The following INTS9 variants were observed in gnomAD, a reference collection of about 807,000 sequenced individuals.
INTS9 encodes the protein protein related to CPSF subunits of 74 kDa.
INTS9 carries 55 observed loss-of-function variants against 79.7 expected under a neutral mutation model. That is an observed-to-expected ratio of 0.69 (90% CI 0.56 to 0.86). INTS9 has a LOEUF of 0.86. Among genes scored for constraint, INTS9 ranks in the 40% least tolerant of loss-of-function variants. The probability of loss-of-function intolerance (pLI) is 0.00; values close to 1 mark genes in which losing one functional copy is unlikely to be tolerated. For missense variants in INTS9, 721 were observed against 831.5 expected, an observed-to-expected ratio of 0.87 and a Z score of 1.64; for synonymous variants, 319 against 325.2, an observed-to-expected ratio of 0.98 and a Z score of 0.20.
At chr8:28,776,621 A>T (rs1802905521) in intron 13 of INTS9, among the ~76,000 whole-genome samples, 2 of 151,964 alleles carry the variant, frequency 1.3e-5, no homozygotes, top group South Asian at 4.1e-4. Context: ...CCTGCTGAAG[A>T]CGGCTTTCCA....
At chr8:28,858,112 T>A (rs937177688) in intron 2 of INTS9, among the ~76,000 whole-genome samples, 3 of 152,184 alleles carry the variant, frequency 2.0e-5, no homozygotes, top group Non-Finnish European at 4.4e-5. Flanking sequence ...TCTGCCCTCG[T>A]CCAGTTCTCA....
At position 28,795,416 on chromosome 8, in the gene INTS9, C is replaced by T. The variant is rs529454636; in HGVS notation, c.856+1128G>A. Among the ~76,000 whole-genome samples, 8 of 151,942 alleles carry T rather than the reference C, an allele frequency of 5.3e-5. No individual in the cohort carries two copies. In the East Asian group the frequency reaches 1.6e-3, roughly 29 times the overall value. ...CAGCACTTTGGGAGGCCGAGGCGGA[C>T]GGATCATGAGGTCAGGAGTTCGAGA... On this transcript the variant is annotated intron_variant, in intron 9 of 16. Coordinates refer to ENST00000521022, the MANE Select transcript of INTS9 (RefSeq NM_018250.4).
chr8:28,889,800 C>A, intron 1 of INTS9, 74 bp downstream of exon 1: 1 of 1,572,542 alleles, frequency 6.4e-7, no homozygotes, highest in Non-Finnish European at 8.7e-7. Context: ...GATTCCCTGC[C>A]CAACGTAGGA....
Position 28,808,765 on chromosome 8 carries a change from G to A in INTS9, c.744+3562C>T, listed in dbSNP as rs73669450. The stretch of plus-strand genomic sequence containing the variant: ...CAAATGTTTCTTGCATTAAAGACCC[G>A]CCAATGTTTTAACTCTTTTCTCCAT... On this transcript the variant is annotated intron_variant, in intron 8 of 16. Coordinates refer to ENST00000521022, the MANE Select transcript of INTS9 (RefSeq NM_018250.4). Among the ~76,000 whole-genome samples the A allele has an allele frequency of 8.9e-3, 1,352 of 152,166 alleles. 20 individuals carry two copies. Among genetic ancestry groups the A allele is most frequent in the African/African-American group, 0.03 (1,228 of 41,498 alleles).
At chr8:28,821,375 T>TGTGAGACTTATTCACTATC (rs1430835074) in intron 6 of INTS9, among the ~76,000 whole-genome samples, 1 of 152,188 alleles carries the variant, frequency 6.6e-6, no homozygotes. Context: ...CATCAGATCT[T>TGTGAGACTTATTCACTATC]GTGAGACTTA....
intron 2 of INTS9, among the ~76,000 whole-genome samples, chr8:28,850,990 G>C (rs973401790): frequency 6.6e-6 from 1 of 152,184 alleles, no homozygotes; most frequent in Admixed American, 6.5e-5. Flanking sequence ...TGTTCTACTA[G>C]TTGACCAGAA....
At chr8:28,854,332 G>A (rs1808023916) in intron 2 of INTS9, among the ~76,000 whole-genome samples, 1 of 152,116 alleles carries the variant, frequency 6.6e-6, no homozygotes, top group Non-Finnish European at 1.5e-5. Flanking sequence ...TCAAGAGTTT[G>A]CAATCTAGTA....
At chr8:28,847,689 T>A (rs1807605775) in intron 3 of INTS9, among the ~76,000 whole-genome samples, 1 of 152,208 alleles carries the variant, frequency 6.6e-6, no homozygotes, top group Admixed American at 6.5e-5. Flanking sequence ...AATAAACCTG[T>A]CTTTCCCCCA....
chr8:28,880,513 G>C (rs1352959954), intron 1 of INTS9, among the ~76,000 whole-genome samples: 2 of 151,700 alleles, frequency 1.3e-5, no homozygotes, highest in Admixed American at 6.6e-5. Flanking sequence ...CGCCAGCCTC[G>C]GCCTCCCGAG....
chr8:28,832,034 T>C (rs1474729537), intron 6 of INTS9, among the ~76,000 whole-genome samples: 2 of 152,242 alleles, frequency 1.3e-5, no homozygotes, highest in Admixed American at 6.5e-5. Flanking sequence ...ACACTATTTG[T>C]GGTGTGCCAA....
chr8:28,828,708 T>G (rs1162570606), intron 6 of INTS9, among the ~76,000 whole-genome samples: 1 of 152,184 alleles, frequency 6.6e-6, no homozygotes, highest in African/African-American at 2.4e-5. Flanking sequence ...AAGTCTTTTT[T>G]TTTTTTTGAG....
At chr8:28,796,931 A>G (rs965808518) in intron 8 of INTS9, 1 of 319,502 alleles carries the variant, frequency 3.1e-6, no homozygotes, top group Admixed American at 4.0e-5. Flanking sequence ...TACACATTTA[A>G]GATCTTTGTG....
intron 1 of INTS9, among the ~76,000 whole-genome samples, chr8:28,883,857 C>G (rs925403636): frequency 9.2e-5 from 14 of 152,158 alleles, no homozygotes; most frequent in Admixed American, 5.9e-4. Context: ...ATGCCTGGAC[C>G]TCTGCTGGTG....
At chr8:28,806,202 C>T (rs992872548) in intron 8 of INTS9, among the ~76,000 whole-genome samples, 1 of 152,078 alleles carries the variant, frequency 6.6e-6, no homozygotes, top group African/African-American at 2.4e-5. Flanking sequence ...TGTGCTCTAG[C>T]CTGAGCGACA....
At chr8:28,810,150 T>C (rs904942138) in intron 8 of INTS9, 6 of 152,374 alleles carry the variant, frequency 3.9e-5, no homozygotes, top group Admixed American at 6.5e-5. Flanking sequence ...AGAAGCATGG[T>C]TGGCACCAAC....
intron 1 of INTS9, among the ~76,000 whole-genome samples, chr8:28,872,220 C>CA (rs949644884): frequency 2.4e-4 from 36 of 152,108 alleles, no homozygotes; most frequent in African/African-American, 8.0e-4. Context: ...TAGGAATTTA[C>CA]AATAAACAAA....
At chr8:28,878,911 T>C (rs1336810547) in intron 1 of INTS9, among the ~76,000 whole-genome samples, 1 of 150,568 alleles carries the variant, frequency 6.6e-6, no homozygotes, top group Admixed American at 6.6e-5. Context: ...GCCCGGGAGG[T>C]AGAGATTGCA....
At chr8:28,798,260 G>A (rs1001603865) in intron 8 of INTS9, 1 of 152,262 alleles carries the variant, frequency 6.6e-6, no homozygotes, top group South Asian at 2.1e-4. Flanking sequence ...CAGCAGATGT[G>A]TAAGGGGCCT....
At chr8:28,825,064 C>T (rs1027256691) in intron 6 of INTS9, among the ~76,000 whole-genome samples, 1 of 152,174 alleles carries the variant, frequency 6.6e-6, no homozygotes, top group Non-Finnish European at 1.5e-5. Context: ...CGAGCAGCAA[C>T]GATTCTGAAC....
Sources: allele counts gnomAD v4.1 joint callset (sites outside exome capture counted in the v4.1 genomes callset), GRCh38; gene constraint gnomAD v4.1.1; transcripts MANE v1.5; gene names NCBI Gene and HGNC (gene_info 2026-07-23, HGNC 2026-07-21).